IL16: variants seen among roughly 807,000 people sequenced by gnomAD.
IL16 encodes pro-interleukin-16.
Under a neutral mutation model 110.1 loss-of-function variants are expected in IL16, and 67 were observed. The observed-to-expected ratio is 0.61, with a 90% confidence interval of 0.50 to 0.75. The LOEUF is 0.75. Ranked by LOEUF, IL16 falls within the 30% of genes least tolerant of loss-of-function variation. The probability of loss-of-function intolerance (pLI) is 0.00; values close to 1 mark genes in which losing one functional copy is unlikely to be tolerated. For missense variants in IL16, 1,545 were observed against 1,655.0 expected, an observed-to-expected ratio of 0.93 and a Z score of 1.15; for synonymous variants, 689 against 662.9, an observed-to-expected ratio of 1.04 and a Z score of -0.61.
chr15:81,211,443 G>C (rs753338780), intron 1 of IL16, among the ~76,000 whole-genome samples: 2 of 152,212 alleles, frequency 1.3e-5, no homozygotes, highest in South Asian at 4.1e-4. Context: ...GTAGAGACAG[G>C]GTTTCGCCAT....
chr15:81,238,203 A>G (rs1169123586), intron 2 of IL16, among the ~76,000 whole-genome samples: 1 of 152,092 alleles, frequency 6.6e-6, no homozygotes, highest in Non-Finnish European at 1.5e-5. Flanking sequence ...CGCCCGGCCT[A>G]GTCTCTGTAT....
At chr15:81,308,340 G>A (rs533732501) in intron 18 of IL16, among the ~76,000 whole-genome samples, 4 of 152,320 alleles carry the variant, frequency 2.6e-5, no homozygotes, top group South Asian at 2.1e-4. Context: ...AGGCTAAGGC[G>A]TGGAGCTGCC....
At chr15:81,265,989 G>T (rs1355529089) in intron 4 of IL16, among the ~76,000 whole-genome samples, 188 bp downstream of exon 4, 3 of 152,212 alleles carry the variant, frequency 2.0e-5, no homozygotes, top group Admixed American at 6.5e-5. Flanking sequence ...CATTAGAAAT[G>T]GTCATCCATT....
intron 12 of IL16, among the ~76,000 whole-genome samples, chr15:81,296,026 G>A (rs149133134): frequency 1.3e-5 from 2 of 152,312 alleles, no homozygotes; most frequent in East Asian, 1.9e-4. Context: ...TCATTTTGAT[G>A]ATGTCTGCTT....
chr15:81,306,165 T>C lies in IL16; in HGVS notation c.3678T>C (p.Ser1226=). 6.2e-7 allele frequency: 1 copy of C among 1,613,170 alleles called. No individual in the cohort carries two copies. Among genetic ancestry groups the C allele is most frequent in the Non-Finnish European group, 8.5e-7 (1 of 1,179,450 alleles). The change falls in exon 17 of 19, where the codon TCT becomes TCC. Residue 1226 remains serine, a splice_region_variant and synonymous_variant. Coordinates refer to ENST00000683961, the MANE Select transcript of IL16 (RefSeq NM_172217.5). Reference sequence around the variant, plus strand: ...CAGCCAGTGATGTTTCTGTAGAATCTAGTAAGTTCTCCCAACTCAGTGGAA... The same window carrying C: ...CAGCCAGTGATGTTTCTGTAGAATCCAGTAAGTTCTCCCAACTCAGTGGAA... ...ASAASDVSVE[S]TAEATVCTVT... is the part of the protein sequence containing the mutation.
chr15:81,231,153 G>A (rs976486004), intron 2 of IL16, among the ~76,000 whole-genome samples: 1 of 152,004 alleles, frequency 6.6e-6, no homozygotes, highest in Admixed American at 6.6e-5. Context: ...ACCAGCCTGG[G>A]CAGCATAACA....
intron 1 of IL16, among the ~76,000 whole-genome samples, chr15:81,201,733 TGTAGA>T (rs1349337752): frequency 1.2e-4 from 19 of 152,230 alleles, no homozygotes; most frequent in African/African-American, 4.6e-4. Flanking sequence ...ATTAGTAAAA[TGTAGA>T]GTAATCAGTT....
intron 2 of IL16, among the ~76,000 whole-genome samples, chr15:81,241,201 A>G (rs921583264): frequency 6.6e-6 from 1 of 152,086 alleles, no homozygotes; most frequent in African/African-American, 2.4e-5. Context: ...CTTAATCACT[A>G]TATTTTAAAA....
chr15:81,202,359 G>A (rs528594983), intron 1 of IL16, among the ~76,000 whole-genome samples: 1 of 152,220 alleles, frequency 6.6e-6, no homozygotes, highest in African/African-American at 2.4e-5. Context: ...ATTGGTTTGT[G>A]GTTTCATTTT....
chr15:81,280,815 G>T (rs1899139086), intron 8 of IL16, among the ~76,000 whole-genome samples: 1 of 152,230 alleles, frequency 6.6e-6, no homozygotes, highest in Non-Finnish European at 1.5e-5. Context: ...GGGCAGACAA[G>T]TCTGTGCTGG....
rs199872438 is a variant in IL16 at position 81,204,762 on chromosome 15, GAAA to G, written c.-102+7616_-102+7618del. Among the ~76,000 whole-genome samples, 7 of 117,952 alleles carry G rather than the reference GAAA, an allele frequency of 5.9e-5. No individual in the cohort carries two copies. In the South Asian group the frequency reaches 1.2e-3, roughly 21 times the overall value. The allele number at this position is 117,952 out of a possible 152,430, so 77.4% of individuals were successfully genotyped here. ...TAATAACAAAATTAAAAAAAAAAAA[GAAA>G]AAAAAGAAAATTTGGAAGGCATTGG... On this transcript the variant is annotated intron_variant, in intron 1 of 18. Transcript: ENST00000683961.
At chr15:81,280,722 T>C (rs1305921715) in intron 8 of IL16, among the ~76,000 whole-genome samples, 1 of 152,212 alleles carries the variant, frequency 6.6e-6, no homozygotes, top group Non-Finnish European at 1.5e-5. Context: ...GTTTTAACTC[T>C]CCTGCTAGGT....
At chr15:81,306,586 G>A in intron 18 of IL16, 41 bp downstream of exon 18, 1 of 1,605,862 alleles carries the variant, frequency 6.2e-7, no homozygotes, top group Non-Finnish European at 8.5e-7. Flanking sequence ...CTCCAGTTGT[G>A]GGCATGTGGC....
At chr15:81,261,356 G>C (rs1213818785) in intron 3 of IL16, among the ~76,000 whole-genome samples, 1 of 152,154 alleles carries the variant, frequency 6.6e-6, no homozygotes, top group Non-Finnish European at 1.5e-5. Context: ...AGAGCTCCCT[G>C]GCTCCCTGGC....
At chr15:81,190,999 C>G (rs546424863) in intron 1 of IL16, among the ~76,000 whole-genome samples, 1 of 152,344 alleles carries the variant, frequency 6.6e-6, no homozygotes, top group African/African-American at 2.4e-5. Flanking sequence ...CCTTACGAGA[C>G]TTTCCTGGAA....
At chr15:81,298,500 CA>C (rs1443449445) in intron 13 of IL16, among the ~76,000 whole-genome samples, 5 of 152,230 alleles carry the variant, frequency 3.3e-5, no homozygotes, top group Non-Finnish European at 7.3e-5. Context: ...CTGGCTGGCA[CA>C]GAGCAGGTTG....
chr15:81,300,079 G>A lies in IL16; in HGVS notation c.2753G>A (p.Gly918Asp), dbSNP rs201457933. 5.1e-6 allele frequency: 8 copies of A among 1,574,578 alleles called. No individual in the cohort carries two copies. In the South Asian group the frequency reaches 8.4e-5, roughly 16 times the overall value. Residue 918 changes from glycine (G) to aspartate (D), a missense_variant, in exon 14 of 19, where the codon GGT (glycine) becomes GAT (aspartate). By Grantham distance (94) the Gly-to-Asp change is moderately conservative (BLOSUM62 -1). Coordinates refer to ENST00000683961, the MANE Select transcript of IL16 (RefSeq NM_172217.5). The stretch of plus-strand genomic sequence containing the variant: ...GCAGCCTCCGAGGCCAGAGACCCAG[G>A]TGTGTCTGAGTCCCCTCCCCCAGGG... ...SPAASEARDP[G>D]VSESPPPGRQ...
chr15:81,225,004 TA>T (rs1475564015), intron 1 of IL16, among the ~76,000 whole-genome samples: 7 of 152,210 alleles, frequency 4.6e-5, no homozygotes, highest in African/African-American at 1.4e-4. Context: ...GCTCTTCTGC[TA>T]GTGCCTTGGG....
chr15:81,207,658 T>C (rs1896083326), intron 1 of IL16, among the ~76,000 whole-genome samples: 2 of 152,158 alleles, frequency 1.3e-5, no homozygotes, highest in African/African-American at 4.8e-5. Context: ...CTTAGAATTA[T>C]GTGTGGTCTC....
Sources: allele counts gnomAD v4.1 joint callset (sites outside exome capture counted in the v4.1 genomes callset), GRCh38; gene constraint gnomAD v4.1.1; transcripts MANE v1.5; gene names NCBI Gene and HGNC (gene_info 2026-07-23, HGNC 2026-07-21).